Variants in MCFD2 observed in about 807,000 individuals in gnomAD.
MCFD2 encodes the protein multiple coagulation factor deficiency 2, ER cargo receptor complex subunit.
In MCFD2, 11 loss-of-function variants were observed where a neutral mutation model predicts 12.8. That is an observed-to-expected ratio of 0.86 (90% CI 0.54 to 1.42). MCFD2 has a LOEUF of 1.42. Among genes scored for constraint, MCFD2 ranks in the 40% most tolerant of loss-of-function variants. The probability of loss-of-function intolerance (pLI) is 0.00; values close to 1 mark genes in which losing one functional copy is unlikely to be tolerated. For synonymous variants in MCFD2, 70 were observed against 68.1 expected (o/e 1.03, Z -0.14); for missense variants, 191 against 178.6 (o/e 1.07, Z -0.40).
chr2:46,922,905 C>T (rs141656010), intron 1 of MCFD2, among the ~76,000 whole-genome samples: 27 of 152,288 alleles, frequency 1.8e-4, no homozygotes, highest in African/African-American at 5.3e-4. Context: ...TCCCACCAGT[C>T]GCAAGTCCAA....
At chr2:46,922,259 A>C (rs1196942241) in intron 1 of MCFD2, among the ~76,000 whole-genome samples, 1 of 152,110 alleles carries the variant, frequency 6.6e-6, no homozygotes, top group Non-Finnish European at 1.5e-5. Context: ...TCCTCCTCAG[A>C]ATTTCTCAGC....
chr2:46,931,582 T>C (rs916404831), intron 1 of MCFD2, among the ~76,000 whole-genome samples: 1 of 152,024 alleles, frequency 6.6e-6, no homozygotes, highest in Non-Finnish European at 1.5e-5. Flanking sequence ...TTTGAAGATG[T>C]AGAAAGGGGT....
At chr2:46,934,841 G>A (rs867660649) in intron 1 of MCFD2, among the ~76,000 whole-genome samples, 6 of 113,304 alleles carry the variant, frequency 5.3e-5, no homozygotes, top group African/African-American at 6.8e-5. Flanking sequence ...TCGCTCTGTC[G>A]CCAGGCTGGA....
At chr2:46,923,391 C>T (rs150507769) in intron 1 of MCFD2, among the ~76,000 whole-genome samples, 216 of 152,272 alleles carry the variant, frequency 1.4e-3, no homozygotes, top group African/African-American at 5.1e-3. Context: ...CATCAGTCAA[C>T]CATTAGCTTA....
intron 1 of MCFD2, among the ~76,000 whole-genome samples, chr2:46,938,586 A>G (rs994694363): frequency 6.6e-6 from 1 of 152,142 alleles, no homozygotes; most frequent in African/African-American, 2.4e-5. Context: ...CTTCCTATCC[A>G]TAATAAGGTC....
At chr2:46,936,293 G>T (rs768647428) in intron 1 of MCFD2, among the ~76,000 whole-genome samples, 1 of 152,126 alleles carries the variant, frequency 6.6e-6, no homozygotes, top group Non-Finnish European at 1.5e-5. Flanking sequence ...TTGTGCATCT[G>T]TAAGAGGAAA....
chr2:46,913,520 C>G (rs925638361), intron 1 of MCFD2, among the ~76,000 whole-genome samples: 1 of 152,248 alleles, frequency 6.6e-6, no homozygotes, highest in Admixed American at 6.5e-5. Context: ...GCAACTCCCT[C>G]TACCCAAATA....
At position 46,941,350 on chromosome 2, in the gene MCFD2, G is replaced by A. The variant is rs942427721; in HGVS notation, c.-8+222C>T. ...GCAGCCCGGAGGCGCCGGGCGGTGC[G>A]CTGGGAGCTGCTGGTGCTGCTGCTG... On this transcript the variant is annotated intron_variant, in intron 1 of 2. Transcript: ENST00000409147. This position sits in a 1 kb window ranked among gnomAD's most constrained non-coding sequence, Gnocchi z 4.2. The A allele has an allele frequency of 8.6e-5, 27 of 312,548 alleles. No individual in the cohort carries two copies. The highest frequency in any genetic ancestry group is 1.3e-4 in the Non-Finnish European group (25 of 197,768). 19.4% of individuals were successfully genotyped at this position (312,548 alleles called of 1,614,324 possible). A position where few individuals can be genotyped will look rare whatever the true frequency, so the allele number is the denominator to read the frequency against.
At chr2:46,934,626 T>C (rs888569057) in intron 1 of MCFD2, among the ~76,000 whole-genome samples, 5 of 151,744 alleles carry the variant, frequency 3.3e-5, no homozygotes, top group African/African-American at 4.8e-5. Flanking sequence ...TAAAACACTT[T>C]AAAAACCCTC....
chr2:46,915,979 A>G (rs975262910), upstream of MCFD2: 4 of 985,120 alleles, frequency 4.1e-6, no homozygotes, highest in African/African-American at 5.2e-5. Flanking sequence ...CAGTTCTTCT[A>G]CCTGCTTTCC....
In MCFD2 at chr2:46,907,746, G is replaced by C; in HGVS notation, c.309+64C>G. 6.4e-7 allele frequency: 1 copy of C among 1,550,686 alleles called. No homozygotes were observed. The highest frequency in any genetic ancestry group is 1.4e-5 in the African/African-American group (1 of 73,834). On this transcript the variant is annotated intron_variant, in intron 3 of 3. Transcript: ENST00000319466. The surrounding 1 kb of genome is among the most constrained non-coding windows in gnomAD (Gnocchi z 4.1). ...AGGACAACACAAGTCAACAAGACTG[G>C]GGACCAAATTAACAAAGGGAAGCCT...
At chr2:46,917,535 C>G (rs1281670409), upstream of MCFD2, among the ~76,000 whole-genome samples, 1 of 152,190 alleles carries the variant, frequency 6.6e-6, no homozygotes, top group African/African-American at 2.4e-5. Context: ...ACAAATAAGA[C>G]AAATGAAGTG....
Position 46,909,122 on chromosome 2 carries a change from C to G in MCFD2, c.50G>C (p.Trp17Ser), listed in dbSNP as rs767223303. ...LRTPFLCGLL[W>S]AFCAPGARAE... is the part of the protein sequence containing the mutation. The stretch of plus-strand genomic sequence containing the variant: ...CCTGGCGCCTGGGGCACAAAAGGCC[C>G]AGAGCAGGCCACACAGGAAGGGGGT... Residue 17 changes from tryptophan (W) to serine (S), a missense_variant, in exon 2 of 4, where the codon TGG (tryptophan) becomes TCG (serine). By Grantham distance (177) the Trp-to-Ser change is radical. Coordinates refer to ENST00000319466, the MANE Select transcript of MCFD2 (RefSeq NM_139279.6). 3.1e-6 allele frequency: 5 copies of G among 1,614,176 alleles called. No homozygotes were observed. The highest frequency in any genetic ancestry group is 4.2e-6 in the Non-Finnish European group (5 of 1,180,026).
chr2:46,909,202 G>GGAA (rs1668380795), intron 1 of MCFD2, 25 bp from the exon 2 acceptor site: 4 of 1,606,238 alleles, frequency 2.5e-6, no homozygotes, highest in Admixed American at 1.7e-5. Context: ...ACACAGAAGA[G>GGAA]GAAGGCAGAG....
rs1218953672 is a variant in MCFD2 at position 46,905,958 on chromosome 2, G to C, written c.310-364C>G. The C allele has an allele frequency of 6.3e-6, 3 of 476,334 alleles. 1 individual carries two copies. In the Admixed American group the frequency reaches 7.0e-5, roughly 11 times the overall value. The allele number at this position is 476,334 out of a possible 1,614,324, so 29.5% of individuals were successfully genotyped here. On this transcript the variant is annotated intron_variant, in intron 3 of 3. Coordinates refer to ENST00000319466, the MANE Select transcript of MCFD2 (RefSeq NM_139279.6). Reference sequence around the variant, plus strand: ...ATTGGAAAAGTGCCAGTCCTCCTGAGGGTCAGCTCTGTGCACAAATTTGCC... The same window carrying C: ...ATTGGAAAAGTGCCAGTCCTCCTGACGGTCAGCTCTGTGCACAAATTTGCC...
chr2:46,911,397 G>C (rs1312129338), intron 1 of MCFD2, among the ~76,000 whole-genome samples: 30 of 151,262 alleles, frequency 2.0e-4, no homozygotes, highest in Admixed American at 2.0e-3. Context: ...CAAAGTGCTG[G>C]GGTTACAGGC....
chr2:46,905,697 A>AG, intron 3 of MCFD2, 103 bp from the exon 4 acceptor site: 1 of 517,682 alleles, frequency 1.9e-6, no homozygotes, highest in East Asian at 7.7e-5. Context: ...CTGTTTATTA[A>AG]AAAAAAAAAA....
chr2:46,919,259 G>A (rs2103795345), upstream of MCFD2, among the ~76,000 whole-genome samples: 1 of 152,372 alleles, frequency 6.6e-6, no homozygotes, highest in Non-Finnish European at 1.5e-5. Flanking sequence ...GATAGGCTGG[G>A]TGTGGTGGCT....
At position 46,908,101 on chromosome 2, in the gene MCFD2, A is replaced by G; in HGVS notation, c.150-132T>C. 1 of 931,414 alleles carries G rather than the reference A, an allele frequency of 1.1e-6. No homozygotes were observed. The highest frequency in any genetic ancestry group is 2.0e-5 in the Admixed American group (1 of 50,376). The allele number at this position is 931,414 out of a possible 1,614,324, so 57.7% of individuals were successfully genotyped here. ...AAACAAACACCAGCAGTGGCAGACCACACTCAAGGATTACACAGAGATAGA... is the reference window on the plus strand; with the variant it reads ...AAACAAACACCAGCAGTGGCAGACCGCACTCAAGGATTACACAGAGATAGA... On this transcript the variant is annotated intron_variant, in intron 2 of 3. Transcript: ENST00000319466. The surrounding 1 kb of genome is among the most constrained non-coding windows in gnomAD (Gnocchi z 4.5).
Sources: gnomAD v4.1 joint callset for allele counts (sites outside exome capture counted in the v4.1 genomes callset) on GRCh38, gnomAD v4.1.1 for gene constraint, Gnocchi (gnomAD v3.1) non-coding constraint, MANE v1.5 for transcripts, NCBI Gene and HGNC (gene_info 2026-07-23, HGNC 2026-07-21) for gene names.